The following LRRIQ3 variants were observed in gnomAD, a reference collection of about 807,000 sequenced individuals.
The protein encoded by LRRIQ3 is leucine rich repeats and IQ motif containing 3, also known as leucine-rich repeat and IQ domain-containing protein 3.
A neutral mutation model predicts 59.3 loss-of-function variants in LRRIQ3; 75 were observed. The observed-to-expected ratio is 1.26, with a 90% confidence interval of 1.05 to 1.53. The LOEUF is 1.53. Among genes scored for constraint, LRRIQ3 ranks in the 40% most tolerant of loss-of-function variants. The pLI is 0.00. For synonymous variants in LRRIQ3, 250 were observed against 231.3 expected, an observed-to-expected ratio of 1.08 and a Z score of -0.73; for missense variants, 831 against 710.0, an observed-to-expected ratio of 1.17 and a Z score of -1.94.
At chr1:74,063,686 TG>T (rs1654792340) in intron 6 of LRRIQ3, among the ~76,000 whole-genome samples, 1 of 152,076 alleles carries the variant, frequency 6.6e-6, no homozygotes, top group African/African-American at 2.4e-5. Flanking sequence ...TTAATTTTTT[TG>T]ACTGACATTA....
At chr1:74,039,049 A>G (rs1186077394) in intron 7 of LRRIQ3, among the ~76,000 whole-genome samples, 1 of 152,196 alleles carries the variant, frequency 6.6e-6, no homozygotes, top group Non-Finnish European at 1.5e-5. Flanking sequence ...AGCATGTGCT[A>G]AAGTTCTTAG....
At chr1:74,087,382 T>G (rs1164551236) in intron 5 of LRRIQ3, among the ~76,000 whole-genome samples, 1 of 604 alleles carries the variant, frequency 1.7e-3, no homozygotes, top group African/African-American at 2.7e-3. Context: ...AAATTTTATC[T>G]TTTTTTTTTT....
At chr1:74,054,216 C>A (rs1654453838) in intron 6 of LRRIQ3, among the ~76,000 whole-genome samples, 2 of 150,724 alleles carry the variant, frequency 1.3e-5, no homozygotes, top group African/African-American at 2.4e-5. Flanking sequence ...TGCTATCAAG[C>A]CATAAAAAAA....
At chr1:74,028,077 G>T (rs565201330) in intron 7 of LRRIQ3, among the ~76,000 whole-genome samples, 3 of 152,116 alleles carry the variant, frequency 2.0e-5, no homozygotes, top group East Asian at 1.9e-4. Context: ...CACGAACATG[G>T]TCAAAACAAA....
At chr1:74,068,248 C>A (rs951211300) in intron 6 of LRRIQ3, among the ~76,000 whole-genome samples, 10 of 152,026 alleles carry the variant, frequency 6.6e-5, no homozygotes, top group African/African-American at 2.4e-4. Flanking sequence ...CACAGATAAA[C>A]CCTGTAATCT....
Position 74,026,653 on chromosome 1 carries a change from G to T in LRRIQ3, c.*160C>A. 1 of 600,214 alleles carries T rather than the reference G, an allele frequency of 1.7e-6. No homozygotes were observed. The highest frequency in any genetic ancestry group is 3.4e-5 in the East Asian group (1 of 29,646). The allele number at this position is 600,214 out of a possible 1,614,324, so 37.2% of individuals were successfully genotyped here. A position where few individuals can be genotyped will look rare whatever the true frequency, so the allele number is the denominator to read the frequency against. On this transcript the variant is annotated 3_prime_UTR_variant, in exon 8 of 8. Transcript: ENST00000354431. ...CTTTAAGTTAAATTATGACCAATAAGAGAAACATTTTAACTAATCTTTATA... is the reference window on the plus strand; with the variant it reads ...CTTTAAGTTAAATTATGACCAATAATAGAAACATTTTAACTAATCTTTATA...
At chr1:74,162,826 T>C (rs530567336) in intron 3 of LRRIQ3, among the ~76,000 whole-genome samples, 30 of 151,732 alleles carry the variant, frequency 2.0e-4, no homozygotes, top group African/African-American at 6.8e-4. Context: ...GAACAGAGGA[T>C]ACTAGAGGCT....
Position 74,041,779 on chromosome 1 carries a change from T to G in LRRIQ3, c.1152A>C (p.Pro384=). Residue 384 remains proline (P), a synonymous_variant, in exon 7 of 8, where the codon CCA becomes CCC. Coordinates refer to ENST00000354431, the MANE Select transcript of LRRIQ3 (RefSeq NM_001105659.2). The part of the protein sequence containing the change: ...KQHFFPAYPQ[P]IYTTHPKPII... ...TTGGCTTTGGATGAGTAGTATAGAT[T>G]GGCTGAGGATATGCAGGAAAAAAAT... The G allele has an allele frequency of 6.2e-7, 1 of 1,613,758 alleles. No individual in the cohort carries two copies. Among genetic ancestry groups the G allele is most frequent in the Non-Finnish European group, 8.5e-7 (1 of 1,179,780 alleles).
chr1:74,047,951 A>C (rs1459893277), intron 6 of LRRIQ3, among the ~76,000 whole-genome samples: 2 of 152,092 alleles, frequency 1.3e-5, no homozygotes, highest in African/African-American at 4.8e-5. Context: ...CAGATAGCTC[A>C]CTTTCCCTTC....
intron 5 of LRRIQ3, among the ~76,000 whole-genome samples, chr1:74,077,988 T>A (rs572605403): frequency 5.3e-5 from 8 of 152,028 alleles, no homozygotes; most frequent in Middle Eastern, 6.8e-3. Flanking sequence ...CCTCAATAAT[T>A]GCAGAAAATA....
At chr1:74,167,522 A>C (rs930763640) in intron 3 of LRRIQ3, among the ~76,000 whole-genome samples, 1 of 151,858 alleles carries the variant, frequency 6.6e-6, no homozygotes, top group Admixed American at 6.6e-5. Flanking sequence ...ACTTAAAATA[A>C]AAATAAAAAT....
At chr1:74,047,255 T>C (rs992097418) in intron 6 of LRRIQ3, among the ~76,000 whole-genome samples, 3 of 152,100 alleles carry the variant, frequency 2.0e-5, no homozygotes, top group African/African-American at 7.2e-5. Flanking sequence ...CAGAATACTA[T>C]GCAGCCATAA....
At chr1:74,073,874 A>G (rs1646166169) in intron 6 of LRRIQ3, among the ~76,000 whole-genome samples, 1 of 152,188 alleles carries the variant, frequency 6.6e-6, no homozygotes, top group African/African-American at 2.4e-5. Flanking sequence ...AAAGATAAAG[A>G]AAAGTTTATC....
intron 4 of LRRIQ3, among the ~76,000 whole-genome samples, chr1:74,150,422 A>G (rs1306378841): frequency 6.6e-6 from 1 of 152,150 alleles, no homozygotes; most frequent in East Asian, 1.9e-4. Context: ...AATTTACTAA[A>G]GCTTCAGGAA....
At chr1:74,142,575 AAAGTAGCTT>A (rs1431180070) in intron 4 of LRRIQ3, among the ~76,000 whole-genome samples, 2 of 152,140 alleles carry the variant, frequency 1.3e-5, no homozygotes, top group East Asian at 3.9e-4. Flanking sequence ...GCTGACTGTT[AAAGTAGCTT>A]AAATTTCAGT....
chr1:74,152,414 A>C (rs544535030), intron 4 of LRRIQ3, among the ~76,000 whole-genome samples: 1 of 152,260 alleles, frequency 6.6e-6, no homozygotes, highest in African/African-American at 2.4e-5. Flanking sequence ...CTAATCATTA[A>C]AAAAATCCTG....
intron 7 of LRRIQ3, among the ~76,000 whole-genome samples, chr1:74,039,243 C>CT (rs1653967182): frequency 6.6e-6 from 1 of 151,946 alleles, no homozygotes; most frequent in African/African-American, 2.4e-5. Flanking sequence ...TGAAGACTAC[C>CT]TTGCTGAAAT....
chr1:74,193,238 T>C (rs1650881953), intron 1 of LRRIQ3, among the ~76,000 whole-genome samples: 1 of 152,312 alleles, frequency 6.6e-6, no homozygotes, highest in African/African-American at 2.4e-5. Context: ...AATAATATAA[T>C]GTTCAAAGGC....
chr1:74,180,783 A>G, intron 3 of LRRIQ3: 1 of 1,550,100 alleles, frequency 6.5e-7, no homozygotes, highest in Non-Finnish European at 8.7e-7. Context: ...CTGTAAAATA[A>G]GACTAACATT....
Sources: gnomAD v4.1 joint callset for allele counts (sites outside exome capture counted in the v4.1 genomes callset) on GRCh38, gnomAD v4.1.1 for gene constraint, MANE v1.5 for transcripts, NCBI Gene and HGNC (gene_info 2026-07-23, HGNC 2026-07-21) for gene names.